The following PRKD1 variants were observed in gnomAD, a reference collection of about 807,000 sequenced individuals.
The protein encoded by PRKD1 is protein kinase D1.
Under a neutral mutation model 95.9 loss-of-function variants are expected in PRKD1, and 63 were observed. The ratio of observed to expected loss-of-function variants is 0.66; its 90% confidence interval spans 0.54 to 0.81. The LOEUF is 0.81. Among genes scored for constraint, PRKD1 ranks in the 30% least tolerant of loss-of-function variants. The pLI is 0.00. For missense variants in PRKD1, 1,048 were observed against 1,165.3 expected, an observed-to-expected ratio of 0.90 and a Z score of 1.47; for synonymous variants, 425 against 423.1, an observed-to-expected ratio of 1.00 and a Z score of -0.05.
chr14:29,659,246 A>G (rs1044188953), intron 4 of PRKD1, among the ~76,000 whole-genome samples: 1 of 152,318 alleles, frequency 6.6e-6, no homozygotes, highest in South Asian at 2.1e-4. Context: ...TACTGGATTC[A>G]TAAGTATGTA....
chr14:29,732,831 A>G (rs1246489919), intron 1 of PRKD1, among the ~76,000 whole-genome samples: 1 of 145,678 alleles, frequency 6.9e-6, no homozygotes, highest in African/African-American at 2.5e-5. Context: ...CCTGTATGCA[A>G]TGTTTTTTCT....
chr14:29,791,066 A>C, intron 1 of PRKD1, among the ~76,000 whole-genome samples: 1 of 152,200 alleles, frequency 6.6e-6, no homozygotes, highest in East Asian at 1.9e-4. Context: ...ACAGTAGGGG[A>C]AACTTCAACA....
At chr14:29,740,365 A>G (rs1431814519) in intron 1 of PRKD1, among the ~76,000 whole-genome samples, 1 of 152,230 alleles carries the variant, frequency 6.6e-6, no homozygotes, top group Non-Finnish European at 1.5e-5. Context: ...AGTTTAACCA[A>G]AAGTTAAGAA....
chr14:29,643,773 C>T (rs1342802375), intron 4 of PRKD1, among the ~76,000 whole-genome samples: 1 of 152,010 alleles, frequency 6.6e-6, no homozygotes. Context: ...TTGTCACTTG[C>T]GTAAAAAATC....
intron 1 of PRKD1, among the ~76,000 whole-genome samples, chr14:29,851,901 T>C (rs1203443829): frequency 6.6e-6 from 1 of 152,036 alleles, no homozygotes; most frequent in Non-Finnish European, 1.5e-5. Flanking sequence ...TACACAGCCA[T>C]AAAAAAGAAC....
At chr14:29,647,922 G>A (rs1282692105) in intron 4 of PRKD1, among the ~76,000 whole-genome samples, 1 of 152,212 alleles carries the variant, frequency 6.6e-6, no homozygotes, top group Non-Finnish European at 1.5e-5. Context: ...CAGGCTTACA[G>A]AAGCCAGAAC....
At chr14:29,735,625 C>T (rs1886676527) in intron 1 of PRKD1, among the ~76,000 whole-genome samples, 1 of 152,178 alleles carries the variant, frequency 6.6e-6, no homozygotes, top group Non-Finnish European at 1.5e-5. Context: ...ATGCAAGAGT[C>T]AGGTGGGAAA....
intron 12 of PRKD1, 142 bp downstream of exon 12, chr14:29,626,342 A>T (rs1049052391): frequency 1.5e-6 from 1 of 687,006 alleles, no homozygotes. Flanking sequence ...AAAATTTTTT[A>T]AACGCAGAAC....
At chr14:29,676,032 G>A (rs1183430207) in intron 2 of PRKD1, among the ~76,000 whole-genome samples, 1 of 151,464 alleles carries the variant, frequency 6.6e-6, no homozygotes. Flanking sequence ...TAATGTAAAT[G>A]ACGCGTTAAT....
At chr14:29,763,188 T>G (rs1326596572) in intron 1 of PRKD1, among the ~76,000 whole-genome samples, 1 of 146,372 alleles carries the variant, frequency 6.8e-6, no homozygotes, top group East Asian at 2.0e-4. Context: ...TCCCAGCTAC[T>G]TGGAAAGCTG....
chr14:29,785,580 A>G (rs1889234116), intron 1 of PRKD1, among the ~76,000 whole-genome samples: 4 of 151,578 alleles, frequency 2.6e-5, no homozygotes, highest in Admixed American at 2.0e-4. Context: ...ATTGTTCCGA[A>G]TAAGACTTCC....
intron 1 of PRKD1, among the ~76,000 whole-genome samples, chr14:29,860,546 A>G (rs1449045012): frequency 6.6e-6 from 1 of 152,208 alleles, no homozygotes; most frequent in Admixed American, 6.5e-5. Context: ...ATTCAGCTCA[A>G]ATATCACCTG....
At chr14:29,642,758 T>C (rs1268864705) in intron 4 of PRKD1, among the ~76,000 whole-genome samples, 1 of 152,178 alleles carries the variant, frequency 6.6e-6, no homozygotes, top group Non-Finnish European at 1.5e-5. Context: ...AAGCTAACTA[T>C]AATAAAGTGA....
chr14:29,898,259 T>A (rs909254612), intron 1 of PRKD1, among the ~76,000 whole-genome samples: 1 of 152,158 alleles, frequency 6.6e-6, no homozygotes, highest in Non-Finnish European at 1.5e-5. Context: ...TCATTAAATA[T>A]GATAATCATC....
chr14:29,799,019 C>A (rs1359255641), intron 1 of PRKD1, among the ~76,000 whole-genome samples: 1 of 152,214 alleles, frequency 6.6e-6, no homozygotes, highest in Non-Finnish European at 1.5e-5. Context: ...GATTTGGCAG[C>A]TGCTTAAGTC....
At chr14:29,750,616 G>GCGCGCACACACACACACACACA (rs72239992) in intron 1 of PRKD1, among the ~76,000 whole-genome samples, 3 of 148,374 alleles carry the variant, frequency 2.0e-5, no homozygotes, top group African/African-American at 7.5e-5. Context: ...ATGAACGCGC[G>GCGCGCACACACACACACACACA]CACACACACA....
chr14:29,832,683 T>C (rs1400560862), intron 1 of PRKD1, among the ~76,000 whole-genome samples: 1 of 152,268 alleles, frequency 6.6e-6, no homozygotes, highest in East Asian at 1.9e-4. Flanking sequence ...CTTTTTTGCA[T>C]TGAGCAAAAT....
intron 1 of PRKD1, among the ~76,000 whole-genome samples, chr14:29,844,303 T>C (rs1891990048): frequency 6.6e-6 from 1 of 152,182 alleles, no homozygotes; most frequent in Non-Finnish European, 1.5e-5. Context: ...GAGTTGCACG[T>C]GTTGTGTATA....
At chr14:29,883,738 T>G (rs563846806) in intron 1 of PRKD1, among the ~76,000 whole-genome samples, 8 of 152,304 alleles carry the variant, frequency 5.3e-5, no homozygotes, top group African/African-American at 1.7e-4. Context: ...TACCTGAGAT[T>G]TGCCACCTAA....
Sources: allele counts gnomAD v4.1 joint callset (sites outside exome capture counted in the v4.1 genomes callset), GRCh38; gene constraint gnomAD v4.1.1; transcripts MANE v1.5; gene names NCBI Gene and HGNC (gene_info 2026-07-23, HGNC 2026-07-21).